Variants in ALKBH3 observed in about 807,000 individuals in gnomAD.
The protein encoded by ALKBH3 is alpha-ketoglutarate-dependent dioxygenase alkB homolog 3.
Under a neutral mutation model 43.9 loss-of-function variants are expected in ALKBH3, and 51 were observed. The ratio of observed to expected loss-of-function variants is 1.16; its 90% confidence interval spans 0.93 to 1.47. The LOEUF (loss-of-function observed/expected upper bound fraction) is 1.47, where lower values mean the gene tolerates loss of function less well. ALKBH3 is among the 40% of genes most tolerant of loss of function. The pLI, the probability that ALKBH3 is intolerant of heterozygous loss-of-function variation, is 0.00. For synonymous variants in ALKBH3, 102 were observed against 115.2 expected, an observed-to-expected ratio of 0.89 and a Z score of 0.73; for missense variants, 361 against 351.9, an observed-to-expected ratio of 1.03 and a Z score of -0.21.
At chr11:43,919,749 T>C (rs1339430272) in intron 9 of ALKBH3, 169 bp from the exon 10 acceptor site, 4 of 605,916 alleles carry the variant, frequency 6.6e-6, no homozygotes, top group Non-Finnish European at 1.2e-5. Flanking sequence ...GGATGGAAAT[T>C]TGTTTCAAAG....
chr11:43,902,236 A>G (rs1402735713), intron 8 of ALKBH3, among the ~76,000 whole-genome samples: 1 of 152,152 alleles, frequency 6.6e-6, no homozygotes, highest in Non-Finnish European at 1.5e-5. Context: ...CTCCTGAAAT[A>G]CAGGTGAATC....
chr11:43,919,201 A>G, intron 9 of ALKBH3, 65 bp downstream of exon 9: 3 of 1,345,990 alleles, frequency 2.2e-6, no homozygotes, highest in South Asian at 1.2e-5. Flanking sequence ...TCTGAGGACT[A>G]TTTCTAAGTA....
chr11:43,902,019 T>A (rs528606717), intron 8 of ALKBH3, among the ~76,000 whole-genome samples: 1 of 152,288 alleles, frequency 6.6e-6, no homozygotes, highest in East Asian at 1.9e-4. Context: ...TAGATAAATA[T>A]TGCCTATTAC....
chr11:43,882,747 G>A lies in ALKBH3; in HGVS notation c.79+16G>A, dbSNP rs1204380586. 1 of 1,606,346 alleles carries A rather than the reference G, an allele frequency of 6.2e-7. No homozygotes were observed. ...GCTCAGCCAGGCAAGAATCTGTAGG[G>A]ATTTTGTGTGTGTGTGGATATGGAC... is the stretch of plus-strand genomic sequence containing the variant. On this transcript the variant is annotated intron_variant, in intron 2 of 9. Transcript: ENST00000302708.
intron 7 of ALKBH3, chr11:43,898,571 A>G: frequency 1.3e-6 from 1 of 766,216 alleles, no homozygotes; most frequent in Non-Finnish European, 2.4e-6. Flanking sequence ...TGTGAAGAGA[A>G]TACAAAAGTC....
intron 8 of ALKBH3, among the ~76,000 whole-genome samples, chr11:43,913,095 T>C (rs529298790): frequency 6.6e-6 from 1 of 150,674 alleles, no homozygotes; most frequent in South Asian, 2.1e-4. Flanking sequence ...CAGTAAATAA[T>C]TTCCAGTTGT....
chr11:43,918,471 G>T (rs567693049), intron 8 of ALKBH3, among the ~76,000 whole-genome samples: 165 of 152,326 alleles, frequency 1.1e-3, no homozygotes, highest in Non-Finnish European at 1.6e-3. Flanking sequence ...CTGGAAAGAG[G>T]CAGGAATATG....
At chr11:43,900,782 G>T (rs563495719) in intron 7 of ALKBH3, among the ~76,000 whole-genome samples, 4 of 152,252 alleles carry the variant, frequency 2.6e-5, no homozygotes, top group South Asian at 4.1e-4. Flanking sequence ...AAGGTCAGGG[G>T]TCATAGCTTC....
At position 43,882,684 on chromosome 11, in the gene ALKBH3, A is replaced by G. The variant is rs1021754405; in HGVS notation, c.32A>G (p.Gln11Arg). The change falls in exon 2 of 10, where the codon CAG (glutamine) becomes CGG (arginine). Residue 11 changes from glutamine (Q) to arginine (R), a missense_variant. Coordinates refer to ENST00000302708, the MANE Select transcript of ALKBH3 (RefSeq NM_139178.4). ...GAAAAAAGACGGCGAGCCCGAGTTC[A>G]GGGAGCCTGGGCTGCCCCTGTTAAA... Reference protein sequence around the residue: MEEKRRRARVQGAWAAPVKSQ... With the variant: MEEKRRRARVRGAWAAPVKSQ... The G allele has an allele frequency of 1.3e-5, 21 of 1,613,598 alleles. No homozygotes were observed. The highest frequency in any genetic ancestry group is 1.7e-5 in the Non-Finnish European group (20 of 1,179,836).
chr11:43,902,662 T>C (rs184805082), intron 8 of ALKBH3, among the ~76,000 whole-genome samples: 93 of 152,352 alleles, frequency 6.1e-4, no homozygotes, highest in Non-Finnish European at 1.0e-3. Context: ...AGTGGCACGA[T>C]CTCGGCTCAC....
At chr11:43,919,328 C>G (rs1205018177) in intron 9 of ALKBH3, among the ~76,000 whole-genome samples, 192 bp downstream of exon 9, 1 of 152,218 alleles carries the variant, frequency 6.6e-6, no homozygotes, top group Admixed American at 6.5e-5. Context: ...TCCGGTAGAA[C>G]TTTCTGTGAT....
At chr11:43,899,649 T>C in intron 7 of ALKBH3, 3 of 463,500 alleles carry the variant, frequency 6.5e-6, no homozygotes, top group Non-Finnish European at 1.2e-5. Flanking sequence ...GCAGAGACAT[T>C]GTATGGACTC....
intron 7 of ALKBH3, chr11:43,898,517 T>A (rs887920087): frequency 2.7e-5 from 25 of 913,510 alleles, no homozygotes; most frequent in South Asian, 6.5e-5. Context: ...GAGGAAGCCC[T>A]GCTGAGATAC....
intron 8 of ALKBH3, among the ~76,000 whole-genome samples, chr11:43,916,459 A>C (rs1217821179): frequency 6.6e-6 from 1 of 152,208 alleles, no homozygotes; most frequent in Non-Finnish European, 1.5e-5. Context: ...CATCAATAAC[A>C]AAACCCACCC....
At chr11:43,905,063 C>A (rs1485406947) in intron 8 of ALKBH3, among the ~76,000 whole-genome samples, 1 of 152,178 alleles carries the variant, frequency 6.6e-6, no homozygotes, top group Admixed American at 6.5e-5. Flanking sequence ...CTCAGGCGGA[C>A]ATGGAAGAGT....
chr11:43,893,510 G>A (rs1334019900), intron 7 of ALKBH3, among the ~76,000 whole-genome samples: 1 of 152,130 alleles, frequency 6.6e-6, no homozygotes, highest in Non-Finnish European at 1.5e-5. Flanking sequence ...TTGGTAGTAT[G>A]TGCTTATTGA....
intron 5 of ALKBH3, among the ~76,000 whole-genome samples, chr11:43,888,807 G>T (rs116339022): frequency 6.6e-6 from 1 of 152,184 alleles, no homozygotes. Flanking sequence ...AGAATCTTCC[G>T]TGGGCTTTCA....
At chr11:43,916,348 G>A (rs1421619721) in intron 8 of ALKBH3, among the ~76,000 whole-genome samples, 4 of 152,174 alleles carry the variant, frequency 2.6e-5, no homozygotes, top group African/African-American at 9.7e-5. Flanking sequence ...AACTGGCTGC[G>A]GTTGGAGGAA....
At position 43,883,067 on chromosome 11, in the gene ALKBH3, TC is replaced by T; in HGVS notation, c.80-14del. 2 of 1,607,224 alleles carry T rather than the reference TC, an allele frequency of 1.2e-6. No homozygotes were observed. The highest frequency in any genetic ancestry group is 1.7e-6 in the Non-Finnish European group (2 of 1,174,266). ...CAGACTTTCCCCTGGTTTGAGGCTG[TC>T]CCCTCTCTTGCTTCAGCTACCACTG... is the stretch of plus-strand genomic sequence containing the variant. On this transcript the variant is annotated splice_polypyrimidine_tract_variant and intron_variant, in intron 2 of 9. Coordinates refer to ENST00000302708, the MANE Select transcript of ALKBH3 (RefSeq NM_139178.4).
Sources: allele counts gnomAD v4.1 joint callset (sites outside exome capture counted in the v4.1 genomes callset), GRCh38; gene constraint gnomAD v4.1.1; transcripts MANE v1.5; gene names NCBI Gene and HGNC (gene_info 2026-07-23, HGNC 2026-07-21).